Variants in ZDHHC2 observed in about 807,000 individuals in gnomAD.
ZDHHC2 encodes the protein zDHHC palmitoyltransferase 2.
A neutral mutation model predicts 55.6 loss-of-function variants in ZDHHC2; 51 were observed. The observed-to-expected ratio is 0.92, with a 90% CI of 0.73 to 1.16. ZDHHC2 has a LOEUF of 1.16. ZDHHC2 is among the 50% of genes most tolerant of loss of function. The probability of loss-of-function intolerance (pLI) is 0.00; values close to 1 mark genes in which losing one functional copy is unlikely to be tolerated. For synonymous variants in ZDHHC2, 199 were observed against 152.9 expected, an observed-to-expected ratio of 1.30 and a Z score of -2.22; for missense variants, 491 against 442.4, an observed-to-expected ratio of 1.11 and a Z score of -0.99.
rs529625626 is a variant in ZDHHC2 at position 17,192,132 on chromosome 8, C to A, written c.253-3372C>A. On this transcript the variant is annotated intron_variant, in intron 3 of 12. Transcript: ENST00000262096. ...CTAAGTAGCTGTGACTACAGGCATGCATCACCACGCCTATCTAATTTTTTT... is the reference window on the plus strand; with the variant it reads ...CTAAGTAGCTGTGACTACAGGCATGAATCACCACGCCTATCTAATTTTTTT... Among the ~76,000 whole-genome samples, 4 of 152,214 alleles carry A rather than the reference C, an allele frequency of 2.6e-5. No individual in the cohort carries two copies. The South Asian group carries it at 8.3e-4, about 32-fold the overall frequency.
In ZDHHC2 at chr8:17,223,451, A is replaced by C. The variant is rs1226141541; in HGVS notation, c.*3230A>C. The stretch of plus-strand genomic sequence containing the variant: ...CACGTGTTTAATATCTTTCTGCAGA[A>C]ACGTGTTCTTCTAAAGCAGAAAACC... On this transcript the variant is annotated 3_prime_UTR_variant, in exon 13 of 13. Transcript: ENST00000262096. The C allele has an allele frequency of 6.6e-6, 1 of 151,864 alleles. No homozygotes were observed. 9.4% of individuals were successfully genotyped at this position (151,864 alleles called of 1,614,324 possible). A position where few individuals can be genotyped will look rare whatever the true frequency, so the allele number is the denominator to read the frequency against.
At chr8:17,203,321 C>G (rs557859861) in intron 6 of ZDHHC2, among the ~76,000 whole-genome samples, 1 of 151,936 alleles carries the variant, frequency 6.6e-6, no homozygotes, top group Admixed American at 6.5e-5. Flanking sequence ...ATCTCAGCCT[C>G]CTGGGTTCAA....
chr8:17,179,291 G>C (rs571271430), intron 1 of ZDHHC2, among the ~76,000 whole-genome samples: 112 of 152,282 alleles, frequency 7.4e-4, no homozygotes, highest in African/African-American at 2.4e-3. Flanking sequence ...TGGCGGTGGA[G>C]GGGGTGAGCG....
intron 3 of ZDHHC2, among the ~76,000 whole-genome samples, chr8:17,192,232 C>T (rs968036715): frequency 7.9e-5 from 12 of 152,284 alleles, no homozygotes; most frequent in East Asian, 5.8e-4. Context: ...ATGGTCCTCC[C>T]GCTTTGGCCT....
intron 1 of ZDHHC2, among the ~76,000 whole-genome samples, chr8:17,169,951 G>C (rs1198731707): frequency 6.6e-6 from 1 of 152,090 alleles, no homozygotes; most frequent in African/African-American, 2.4e-5. Context: ...AATATGTTGT[G>C]TCTTTAGGCA....
Position 17,210,900 on chromosome 8 carries a change from G to C in ZDHHC2, c.950+420G>C, listed in dbSNP as rs145842243. 2.1e-3 allele frequency among the ~76,000 whole-genome samples: 322 copies of C among 152,172 alleles called. 2 individuals carry two copies. The highest frequency in any genetic ancestry group is 3.4e-3 in the Non-Finnish European group (228 of 68,002). ...ACTTGAGGCTTTTGGAGATCAAATG[G>C]ACCCCCAGACACCTTCTTGACAACT... On this transcript the variant is annotated intron_variant, in intron 10 of 12. Transcript: ENST00000262096.
chr8:17,186,779 T>C (rs762246158), intron 3 of ZDHHC2, among the ~76,000 whole-genome samples: 12 of 152,214 alleles, frequency 7.9e-5, no homozygotes, highest in Non-Finnish European at 1.5e-4. Context: ...TAGTTGGTTA[T>C]CAGCCACCAG....
In ZDHHC2 at chr8:17,207,582, C is replaced by T. The variant is rs142453985; in HGVS notation, c.598-378C>T. On this transcript the variant is annotated intron_variant, in intron 7 of 12. Coordinates refer to ENST00000262096, the MANE Select transcript of ZDHHC2 (RefSeq NM_016353.5). ...TGGCATTATAATGAAACTATTTAAA[C>T]GTTTGTGATTCTGTAGTATGTTAAC... Among the ~76,000 whole-genome samples the T allele has an allele frequency of 3.2e-3, 492 of 152,060 alleles. 1 individual carries two copies. The highest frequency in any genetic ancestry group is 0.011 in the African/African-American group (472 of 41,494).
intron 1 of ZDHHC2, among the ~76,000 whole-genome samples, chr8:17,180,722 A>G (rs1443985288): frequency 6.6e-6 from 1 of 152,216 alleles, no homozygotes; most frequent in African/African-American, 2.4e-5. Context: ...GGGATAGCTT[A>G]TGTAAGCCAG....
chr8:17,173,643 C>A (rs893554610), intron 1 of ZDHHC2, among the ~76,000 whole-genome samples: 4 of 149,770 alleles, frequency 2.7e-5, no homozygotes, highest in Non-Finnish European at 5.9e-5. Context: ...GATTGCACCA[C>A]TGCATTCCAG....
At chr8:17,202,668 T>C (rs1806851142) in intron 6 of ZDHHC2, among the ~76,000 whole-genome samples, 1 of 151,942 alleles carries the variant, frequency 6.6e-6, no homozygotes, top group South Asian at 2.1e-4. Context: ...AAGCTGTCTA[T>C]TGTGAAGACA....
At chr8:17,208,205 T>A in intron 8 of ZDHHC2, 113 bp downstream of exon 8, 2 of 1,100,116 alleles carry the variant, frequency 1.8e-6, no homozygotes, top group Non-Finnish European at 2.4e-6. Context: ...GAAAAGTCAT[T>A]CTTATTTTCC....
At chr8:17,177,648 T>A (rs1036506676) in intron 1 of ZDHHC2, among the ~76,000 whole-genome samples, 13 of 152,228 alleles carry the variant, frequency 8.5e-5, no homozygotes, top group African/African-American at 3.1e-4. Flanking sequence ...TCAATTAATG[T>A]TTCTCAATAA....
chr8:17,197,714 C>A, intron 5 of ZDHHC2, 63 bp downstream of exon 5: 1 of 1,471,662 alleles, frequency 6.8e-7, no homozygotes, highest in South Asian at 1.2e-5. Context: ...CATTATGTTT[C>A]TTTTCTCACT....
At chr8:17,199,687 TCTTCTTTCTCCTTCTTC>T (rs1345245245) in intron 6 of ZDHHC2, among the ~76,000 whole-genome samples, 5 of 150,564 alleles carry the variant, frequency 3.3e-5, no homozygotes, top group Non-Finnish European at 7.4e-5. Context: ...CTTCTTCTTT[TCTTCTTTCTCCTTCTTC>T]CTTCTTTCTT....
intron 8 of ZDHHC2, among the ~76,000 whole-genome samples, chr8:17,209,549 G>C (rs1459801588): frequency 3.9e-5 from 6 of 152,088 alleles, no homozygotes; most frequent in Non-Finnish European, 8.8e-5. Flanking sequence ...AAGATAGTCT[G>C]ATTGTGGTTT....
rs1192318995 is a variant in ZDHHC2, at chr8:17,156,653, G to A, written c.-71G>A. 9.6e-6 allele frequency: 11 copies of A among 1,144,182 alleles called. No homozygotes were observed. The Admixed American group carries it at 3.9e-4, about 41-fold the overall frequency. The allele number at this position is 1,144,182 out of a possible 1,614,324, so 70.9% of individuals were successfully genotyped here. A position where few individuals can be genotyped will look rare whatever the true frequency, so the allele number is the denominator to read the frequency against. ...GAGCCCGTCCAGCCAGGGGTGCCGG[G>A]CCCGCCCAGCCCGCCCCGGAGCCAG... On this transcript the variant is annotated 5_prime_UTR_variant, in exon 1 of 13. Coordinates refer to ENST00000262096, the MANE Select transcript of ZDHHC2 (RefSeq NM_016353.5).
intron 1 of ZDHHC2, among the ~76,000 whole-genome samples, chr8:17,169,859 T>G (rs956090497): frequency 6.6e-6 from 1 of 151,632 alleles, no homozygotes; most frequent in South Asian, 2.1e-4. Flanking sequence ...CTTGCATAAT[T>G]TTTTTTTAGA....
At position 17,169,417 on chromosome 8, in the gene ZDHHC2, A is replaced by G. The variant is rs542054251; in HGVS notation, c.130+12564A>G. On this transcript the variant is annotated intron_variant, in intron 1 of 12. Coordinates refer to ENST00000262096, the MANE Select transcript of ZDHHC2 (RefSeq NM_016353.5). ...CAGAAAACTCGAGGGCCTCTAGCTT[A>G]CTGCATATAGGCAGGAATTCAACAA... Among the ~76,000 whole-genome samples, 50 of 152,292 alleles carry G rather than the reference A, an allele frequency of 3.3e-4. No individual in the cohort carries two copies. The Middle Eastern group carries it at 0.01, about 31-fold the overall frequency.
Sources: gnomAD v4.1 joint callset for allele counts (sites outside exome capture counted in the v4.1 genomes callset) on GRCh38, gnomAD v4.1.1 for gene constraint, MANE v1.5 for transcripts, NCBI Gene and HGNC (gene_info 2026-07-23, HGNC 2026-07-21) for gene names.